Variants in ZNF385D observed in about 807,000 individuals in gnomAD.
The protein encoded by ZNF385D is zinc finger protein 659.
A neutral mutation model predicts 35.8 loss-of-function variants in ZNF385D; 15 were observed. The observed-to-expected ratio is 0.42, with a 90% CI of 0.28 to 0.64. The LOEUF is 0.64. Ranked by LOEUF, ZNF385D falls within the 30% of genes least tolerant of loss-of-function variation. The pLI is 0.23. For missense variants in ZNF385D, 474 were observed against 494.6 expected, an observed-to-expected ratio of 0.96 and a Z score of 0.39; for synonymous variants, 212 against 186.8, an observed-to-expected ratio of 1.13 and a Z score of -1.10.
At chr3:22,347,626 G>A (rs17011233) in intron 2 of ZNF385D, among the ~76,000 whole-genome samples, 7,068 of 152,194 alleles carry the variant, frequency 0.046, 510 homozygotes, top group African/African-American at 0.16. Context: ...GCTTGGTAGC[G>A]TTGTTAGAAA....
intron 2 of ZNF385D, among the ~76,000 whole-genome samples, chr3:22,345,800 C>G (rs73140281): frequency 0.081 from 12,372 of 152,198 alleles, 837 homozygotes; most frequent in African/African-American, 0.2. Context: ...AAGATCATGT[C>G]CCTTTCCCAG....
chr3:22,133,819 C>A (rs1162360015), intron 3 of ZNF385D: 1 of 151,894 alleles, frequency 6.6e-6, no homozygotes, highest in African/African-American at 2.4e-5. Context: ...CTTTTCTCCA[C>A]AAACAAAGCA....
At chr3:21,765,137 T>G (rs2070771237) in intron 3 of ZNF385D, among the ~76,000 whole-genome samples, 1 of 152,094 alleles carries the variant, frequency 6.6e-6, no homozygotes, top group Non-Finnish European at 1.5e-5. Flanking sequence ...GGTTCTAATG[T>G]TTTAGAATAC....
intron 3 of ZNF385D, among the ~76,000 whole-genome samples, chr3:21,800,159 T>C (rs933820165): frequency 3.9e-5 from 6 of 152,232 alleles, no homozygotes; most frequent in African/African-American, 1.4e-4. Flanking sequence ...GTAGTAAGTT[T>C]TGAAACTAGA....
At chr3:21,980,797 A>C (rs988066763) in intron 3 of ZNF385D, among the ~76,000 whole-genome samples, 5 of 152,118 alleles carry the variant, frequency 3.3e-5, no homozygotes, top group African/African-American at 1.2e-4. Context: ...GCTCCCACTT[A>C]TAAGTGAGAA....
chr3:21,802,655 G>C (rs2072459026), intron 3 of ZNF385D, among the ~76,000 whole-genome samples: 1 of 152,110 alleles, frequency 6.6e-6, no homozygotes, highest in South Asian at 2.1e-4. Context: ...TCTTACCCTG[G>C]ACGTAGAAAT....
intron 2 of ZNF385D, among the ~76,000 whole-genome samples, chr3:22,219,708 TAAAC>T (rs749999051): frequency 1.1e-3 from 168 of 152,190 alleles, no homozygotes; most frequent in Admixed American, 1.5e-3. Flanking sequence ...GACTCATAAT[TAAAC>T]AAATTAATAT....
intron 4 of ZNF385D, among the ~76,000 whole-genome samples, chr3:21,452,778 C>A (rs1453151541): frequency 2.0e-5 from 3 of 151,876 alleles, no homozygotes; most frequent in African/African-American, 7.2e-5. Flanking sequence ...GATGGCAATA[C>A]TATCTAAATT....
intron 2 of ZNF385D, among the ~76,000 whole-genome samples, chr3:22,222,490 A>G (rs374809647): frequency 1.3e-5 from 2 of 152,296 alleles, no homozygotes; most frequent in East Asian, 3.9e-4. Context: ...TCATATATCT[A>G]CAAAAGGATG....
At chr3:22,198,997 G>T (rs966438893) in intron 2 of ZNF385D, among the ~76,000 whole-genome samples, 1 of 151,968 alleles carries the variant, frequency 6.6e-6, no homozygotes, top group African/African-American at 2.4e-5. Flanking sequence ...ATCTACTACT[G>T]TTTAATAAGT....
chr3:21,682,569 T>A lies in ZNF385D; in HGVS notation c.23-17541A>T, dbSNP rs558261133. Among the ~76,000 whole-genome samples, 26 of 150,102 alleles carry A rather than the reference T, an allele frequency of 1.7e-4. 1 individual carries two copies. In the South Asian group the frequency reaches 5.3e-3, roughly 31 times the overall value. ...ACATTTTCAGGTCCTTTAATAGAAA[T>A]GAAAGTCAAGGGTTAATCTTTTTTA... On this transcript the variant is annotated intron_variant, in intron 1 of 7. Transcript: ENST00000281523.
chr3:21,510,858 A>T lies in ZNF385D; in HGVS notation c.439+3T>A, dbSNP rs757695830. ...ACAACAACAACAAAGATCATTGCTT[A>T]ACCTGTTTTGTCAGAGCTGGTATTG... On this transcript the variant is annotated splice_donor_region_variant and intron_variant, in intron 4 of 7. Transcript: ENST00000281523. 9 of 1,614,024 alleles carry T rather than the reference A, an allele frequency of 5.6e-6. No individual in the cohort carries two copies. Among genetic ancestry groups the T allele is most frequent in the Admixed American group, 3.3e-5 (2 of 60,016 alleles).
chr3:21,457,725 G>A (rs1014099592), intron 4 of ZNF385D, among the ~76,000 whole-genome samples: 4 of 152,056 alleles, frequency 2.6e-5, no homozygotes, highest in Non-Finnish European at 5.9e-5. Flanking sequence ...CTAACATGAT[G>A]CTCTGAAAAA....
intron 2 of ZNF385D, among the ~76,000 whole-genome samples, chr3:22,244,770 C>T (rs2638150): frequency 0.35 from 52,078 of 150,528 alleles, 10,034 homozygotes; most frequent in Non-Finnish European, 0.35. Context: ...TATCAGCGAG[C>T]TCTAAAATCA....
intron 1 of ZNF385D, among the ~76,000 whole-genome samples, chr3:21,729,772 G>A (rs2068914131): frequency 2.0e-5 from 3 of 152,144 alleles, no homozygotes; most frequent in Non-Finnish European, 2.9e-5. Context: ...CAGGAAATCT[G>A]CCAGAAACTA....
At chr3:21,734,444 G>C (rs997580268) in intron 1 of ZNF385D, among the ~76,000 whole-genome samples, 3 of 151,840 alleles carry the variant, frequency 2.0e-5, no homozygotes, top group Admixed American at 1.3e-4. Flanking sequence ...TGATGAATTT[G>C]TGAGATTTAT....
At chr3:21,596,867 C>G (rs1177950228) in intron 2 of ZNF385D, among the ~76,000 whole-genome samples, 1 of 152,040 alleles carries the variant, frequency 6.6e-6, no homozygotes, top group African/African-American at 2.4e-5. Context: ...GTAAGAAATA[C>G]TGTCAAAGTT....
At chr3:21,663,307 T>C (rs966090224) in intron 2 of ZNF385D, among the ~76,000 whole-genome samples, 1 of 152,196 alleles carries the variant, frequency 6.6e-6, no homozygotes, top group Admixed American at 6.6e-5. Flanking sequence ...AGTTAACCAC[T>C]TTGTTATTAA....
chr3:21,608,760 C>T (rs536272324), intron 2 of ZNF385D, among the ~76,000 whole-genome samples: 12 of 152,234 alleles, frequency 7.9e-5, no homozygotes, highest in African/African-American at 2.2e-4. Context: ...AGTCAAAATT[C>T]GTCTACAAAT....
Sources: gnomAD v4.1 joint callset for allele counts (sites outside exome capture counted in the v4.1 genomes callset) on GRCh38, gnomAD v4.1.1 for gene constraint, MANE v1.5 for transcripts, NCBI Gene and HGNC (gene_info 2026-07-23, HGNC 2026-07-21) for gene names.